Variants in SUPT3H observed in about 807,000 individuals in gnomAD.
SUPT3H encodes transcription initiation protein SPT3 homolog.
SUPT3H carries 44 observed loss-of-function variants against 44.3 expected under a neutral mutation model. The observed-to-expected ratio is 0.99, with a 90% confidence interval of 0.78 to 1.28. The LOEUF is 1.28. SUPT3H is among the 50% of genes most tolerant of loss of function. The probability of loss-of-function intolerance (pLI) is 0.00; values close to 1 mark genes in which losing one functional copy is unlikely to be tolerated. For missense variants in SUPT3H, 380 were observed against 387.1 expected, an observed-to-expected ratio of 0.98 and a Z score of 0.15; for synonymous variants, 124 against 125.6, an observed-to-expected ratio of 0.99 and a Z score of 0.09.
At chr6:44,960,451 A>C (rs1775861899) in intron 7 of SUPT3H, among the ~76,000 whole-genome samples, 1 of 147,958 alleles carries the variant, frequency 6.8e-6, no homozygotes, top group Non-Finnish European at 1.5e-5. Context: ...AAAGCAAAAC[A>C]AAACAAACAA....
At chr6:44,955,917 G>C (rs763591369) in intron 7 of SUPT3H, among the ~76,000 whole-genome samples, 12 of 151,604 alleles carry the variant, frequency 7.9e-5, no homozygotes, top group Non-Finnish European at 1.6e-4. Flanking sequence ...TCAGGAGATC[G>C]AGACCATCCT....
chr6:45,197,785 A>G, intron 2 of SUPT3H: 1 of 172,908 alleles, frequency 5.8e-6, no homozygotes, highest in Non-Finnish European at 1.4e-5. Flanking sequence ...TTTAATAAGA[A>G]TTTGACTTTG....
At chr6:45,360,237 C>G (rs1291824020) in intron 2 of SUPT3H, among the ~76,000 whole-genome samples, 1 of 152,018 alleles carries the variant, frequency 6.6e-6, no homozygotes, top group East Asian at 1.9e-4. Context: ...ATTCTTTCGT[C>G]TATAAAAGGG....
At chr6:45,334,991 AG>A (rs1239985831) in intron 2 of SUPT3H, among the ~76,000 whole-genome samples, 1 of 151,314 alleles carries the variant, frequency 6.6e-6, no homozygotes, top group Non-Finnish European at 1.5e-5. Flanking sequence ...AGTTAAACAA[AG>A]TATTAGAGTT....
intron 2 of SUPT3H, among the ~76,000 whole-genome samples, chr6:45,260,250 T>G (rs753329301): frequency 6.6e-6 from 1 of 152,136 alleles, no homozygotes; most frequent in Non-Finnish European, 1.5e-5. Flanking sequence ...TGCAGGAAAG[T>G]TTTTCAGAGG....
At chr6:45,368,828 A>T (rs1795572957) in intron 1 of SUPT3H, among the ~76,000 whole-genome samples, 1 of 152,172 alleles carries the variant, frequency 6.6e-6, no homozygotes, top group African/African-American at 2.4e-5. Flanking sequence ...AAACTTTTAT[A>T]ATTAGAACAT....
chr6:45,197,526 T>TA (rs1816262383), intron 2 of SUPT3H: 1 of 240,532 alleles, frequency 4.2e-6, no homozygotes, highest in African/African-American at 2.4e-5. Context: ...ATATCCTCTA[T>TA]AATACATGCT....
chr6:45,063,250 C>G (rs560074327), intron 3 of SUPT3H, among the ~76,000 whole-genome samples: 4 of 145,210 alleles, frequency 2.8e-5, no homozygotes, highest in Admixed American at 6.9e-5. Context: ...AGCTGAGGGT[C>G]CTGTCTGTTA....
intron 2 of SUPT3H, among the ~76,000 whole-genome samples, chr6:45,318,010 G>A (rs937029268): frequency 6.6e-6 from 1 of 152,022 alleles, no homozygotes; most frequent in African/African-American, 2.4e-5. Context: ...TTTTAAAATG[G>A]GAGGTTTTCA....
chr6:44,908,569 C>T (rs79421643), intron 10 of SUPT3H, among the ~76,000 whole-genome samples: 1 of 152,108 alleles, frequency 6.6e-6, no homozygotes, highest in Non-Finnish European at 1.5e-5. Context: ...CTATTTCACA[C>T]TGGTACTATG....
intron 2 of SUPT3H, among the ~76,000 whole-genome samples, chr6:45,243,820 G>A (rs1008864589): frequency 6.6e-6 from 1 of 152,130 alleles, no homozygotes; most frequent in Non-Finnish European, 1.5e-5. Context: ...ACTGTTGCCT[G>A]TATTTCCCCT....
At chr6:44,963,237 G>A (rs1455361838) in intron 6 of SUPT3H, among the ~76,000 whole-genome samples, 2 of 152,086 alleles carry the variant, frequency 1.3e-5, no homozygotes, top group African/African-American at 4.8e-5. Flanking sequence ...GGTGGCTCAC[G>A]CCTGTAATCC....
intron 2 of SUPT3H, among the ~76,000 whole-genome samples, chr6:45,126,955 G>A (rs1243871497): frequency 6.6e-6 from 1 of 152,104 alleles, no homozygotes; most frequent in Non-Finnish European, 1.5e-5. Flanking sequence ...TGAAAATTCT[G>A]ACTTCCACTG....
At chr6:45,255,734 T>C (rs1773269992) in intron 2 of SUPT3H, among the ~76,000 whole-genome samples, 5 of 152,178 alleles carry the variant, frequency 3.3e-5, no homozygotes, top group Admixed American at 3.3e-4. Flanking sequence ...AGGTAGATAC[T>C]ATTATTGGCA....
intron 10 of SUPT3H, among the ~76,000 whole-genome samples, chr6:44,913,951 A>G (rs1767436665): frequency 6.6e-6 from 1 of 152,194 alleles, no homozygotes; most frequent in South Asian, 2.1e-4. Flanking sequence ...TCCTCATTAA[A>G]TATTTTCCAT....
intron 2 of SUPT3H, among the ~76,000 whole-genome samples, chr6:45,274,020 CATT>C (rs1271706671): frequency 6.6e-6 from 1 of 152,178 alleles, no homozygotes; most frequent in Non-Finnish European, 1.5e-5. Context: ...AAGTAGTCAT[CATT>C]GTTGTTTTGA....
intron 10 of SUPT3H, among the ~76,000 whole-genome samples, chr6:44,913,228 T>C (rs1419546751): frequency 6.6e-6 from 1 of 152,196 alleles, no homozygotes; most frequent in Non-Finnish European, 1.5e-5. Context: ...ACACATTTCT[T>C]TGCATTATTT....
At chr6:44,955,219 AC>A (rs1774922222) in intron 7 of SUPT3H, 1 of 152,930 alleles carries the variant, frequency 6.5e-6, no homozygotes, top group African/African-American at 2.4e-5. Flanking sequence ...GCCAAGAGCC[AC>A]AGACCCCTTG....
intron 2 of SUPT3H, among the ~76,000 whole-genome samples, chr6:45,196,880 C>T (rs1816126494): frequency 6.6e-6 from 1 of 151,404 alleles, no homozygotes; most frequent in South Asian, 2.1e-4. Flanking sequence ...TACAGTGTTG[C>T]TATATTATTT....
Sources: allele counts gnomAD v4.1 joint callset (sites outside exome capture counted in the v4.1 genomes callset), GRCh38; gene constraint gnomAD v4.1.1; transcripts MANE v1.5; gene names NCBI Gene and HGNC (gene_info 2026-07-23, HGNC 2026-07-21).